Variants in MYH7B observed in about 807,000 individuals in gnomAD.
MYH7B encodes the protein myosin heavy chain 7B.
Under a neutral mutation model 234.5 loss-of-function variants are expected in MYH7B, and 205 were observed. The ratio of observed to expected loss-of-function variants is 0.87; its 90% CI spans 0.78 to 0.98. The LOEUF (loss-of-function observed/expected upper bound fraction) is 0.98. Among genes scored for constraint, MYH7B ranks in the 50% least tolerant of loss-of-function variants. The pLI is 0.00. For missense variants in MYH7B, 2,652 were observed against 2,633.4 expected, an observed-to-expected ratio of 1.01 and a Z score of -0.15; for synonymous variants, 1,193 against 1,105.0, an observed-to-expected ratio of 1.08 and a Z score of -1.58.
intron 10 of MYH7B, among the ~76,000 whole-genome samples, chr20:34,983,298 C>CTTTTTTTTTTTTTTTTTTTTTTTTTTT (rs57589264): frequency 5.6e-5 from 4 of 71,666 alleles, no homozygotes; most frequent in African/African-American, 1.5e-4. Flanking sequence ...CTTTTCTTTT[C>CTTTTTTTTTTTTTTTTTTTTTTTTTTT]TTTTTTTTTT....
chr20:35,001,621 C>A, intron 43 of MYH7B, 95 bp downstream of exon 43: 2 of 1,105,034 alleles, frequency 1.8e-6, no homozygotes, highest in Non-Finnish European at 2.6e-6. Flanking sequence ...CTCCACCCTC[C>A]AAGGTCAGTG....
chr20:34,981,410 C>A, intron 9 of MYH7B: 1 of 301,418 alleles, frequency 3.3e-6, no homozygotes. Context: ...TCCTTTTTAC[C>A]ATCTACTTAT....
chr20:34,996,730 A>AAGC, exon 30 of MYH7B: 1 of 1,612,902 alleles, frequency 6.2e-7, no homozygotes, highest in South Asian at 1.1e-5. Context: ...TGCTCAAGAC[A>AAGC]AGCAGCAGCT....
exon 42 of MYH7B, chr20:35,001,269 G>A: frequency 6.2e-7 from 1 of 1,612,244 alleles, no homozygotes; most frequent in South Asian, 1.1e-5. Context: ...GGCTGAGCTT[G>A]ATGCAGAGCA....
intron 10 of MYH7B, 110 bp downstream of exon 10, chr20:34,982,665 C>A: frequency 1.1e-6 from 1 of 938,540 alleles, no homozygotes; most frequent in Non-Finnish European, 1.5e-6. Flanking sequence ...CTCCCCAGAA[C>A]CCTGAGCCCT....
exon 21 of MYH7B, chr20:34,990,142 C>T: frequency 1.2e-6 from 2 of 1,614,076 alleles, no homozygotes; most frequent in African/African-American, 1.3e-5. Flanking sequence ...CGGGCTCCTG[C>T]TCCAGTGAGT....
chr20:35,001,367 C>T lies in MYH7B; in HGVS notation c.5580+18C>T. On this transcript the variant is annotated intron_variant, in intron 42 of 44. Transcript: ENST00000262873. The stretch of plus-strand genomic sequence containing the variant: ...CATACCAGGTGGGCGACAGGGTCTC[C>T]CTGGGGAGTGGCCCTGGAGCTGGCC... The T allele has an allele frequency of 6.2e-7, 1 of 1,601,310 alleles. No individual in the cohort carries two copies. Among genetic ancestry groups the T allele is most frequent in the Non-Finnish European group, 8.5e-7 (1 of 1,174,398 alleles).
intron 2 of MYH7B, among the ~76,000 whole-genome samples, chr20:34,974,953 A>G (rs1310853261): frequency 6.6e-6 from 1 of 152,214 alleles, no homozygotes; most frequent in African/African-American, 2.4e-5. Flanking sequence ...AAGAGAATTG[A>G]AACAGTGAGG....
chr20:34,998,247 G>T (rs933016835), intron 32 of MYH7B, 48 bp from the exon 33 acceptor site: 2 of 1,604,360 alleles, frequency 1.2e-6, no homozygotes, highest in Admixed American at 1.7e-5. Context: ...GCACAAACTT[G>T]TTCTGACATC....
Position 35,000,900 on chromosome 20 carries a change from C to A in MYH7B, c.5304+7C>A. 9.4e-7 allele frequency: 1 copy of A among 1,064,414 alleles called. No individual in the cohort carries two copies. The allele number at this position is 1,064,414 out of a possible 1,614,324, so 65.9% of individuals were successfully genotyped here. On this transcript the variant is annotated splice_region_variant and intron_variant, in intron 40 of 44. Transcript: ENST00000262873. ...CAAAAAGGCCATCACTGATGTGAGGCTGGGCAAGGGCTGTGGGGAGCCTGG... is the reference window on the plus strand; with the variant it reads ...CAAAAAGGCCATCACTGATGTGAGGATGGGCAAGGGCTGTGGGGAGCCTGG...
At chr20:34,980,791 C>T in intron 8 of MYH7B, 57 bp downstream of exon 8, 1 of 1,593,548 alleles carries the variant, frequency 6.3e-7, no homozygotes, top group East Asian at 2.2e-5. Flanking sequence ...TCCCGGGAGG[C>T]CTCTGTAAGG....
intron 10 of MYH7B, 68 bp from the exon 11 acceptor site, chr20:34,984,624 C>A (rs528670536): frequency 2.8e-6 from 4 of 1,440,282 alleles, no homozygotes; most frequent in African/African-American, 2.9e-5. Flanking sequence ...CCCGCTGATA[C>A]CCTGCCCCAC....
intron 2 of MYH7B, among the ~76,000 whole-genome samples, chr20:34,964,926 T>TGATAATAAGAAAATGAATA (rs2081729804): frequency 6.6e-6 from 1 of 152,218 alleles, no homozygotes; most frequent in African/African-American, 2.4e-5. Context: ...ATGGTCTTAA[T>TGATAATAAGAAAATGAATA]GATAATAAGA....
At chr20:34,992,509 A>G (rs2082173878) in intron 24 of MYH7B, among the ~76,000 whole-genome samples, 1 of 152,026 alleles carries the variant, frequency 6.6e-6, no homozygotes, top group South Asian at 2.1e-4. Context: ...GCCTTCTGTA[A>G]AAAGCCTCTT....
chr20:34,975,847 C>G (rs772043082), intron 3 of MYH7B, among the ~76,000 whole-genome samples: 3 of 152,160 alleles, frequency 2.0e-5, no homozygotes, highest in East Asian at 3.9e-4. Context: ...TCCAGAGTAG[C>G]TGGGACTACA....
exon 24 of MYH7B, chr20:34,991,026 G>A (rs2082136574): frequency 1.9e-6 from 3 of 1,613,280 alleles, no homozygotes; most frequent in African/African-American, 2.7e-5. Flanking sequence ...CCTTCTTGGT[G>A]CTACACCAGC....
intron 2 of MYH7B, 104 bp from the exon 3 acceptor site, chr20:34,975,290 TGCCTCC>T: frequency 2.1e-6 from 1 of 468,430 alleles, no homozygotes; most frequent in Non-Finnish European, 3.8e-6. Flanking sequence ...CTGTAACCTC[TGCCTCC>T]TGGGTTCAAG....
At chr20:34,977,891 G>A in intron 4 of MYH7B, 43 bp from the exon 5 acceptor site, 1 of 1,610,154 alleles carries the variant, frequency 6.2e-7, no homozygotes, top group Non-Finnish European at 8.5e-7. Flanking sequence ...TGGGTTGGGG[G>A]ATCGTGCCCT....
At chr20:34,990,200 T>C (rs1351854421) in intron 21 of MYH7B, 34 bp from the exon 22 acceptor site, 1 of 1,613,946 alleles carries the variant, frequency 6.2e-7, no homozygotes, top group Non-Finnish European at 8.5e-7. Flanking sequence ...AGAGCGACAT[T>C]CCCTGGAGTG....
Sources: gnomAD v4.1 joint callset for allele counts (sites outside exome capture counted in the v4.1 genomes callset) on GRCh38, gnomAD v4.1.1 for gene constraint, MANE v1.5 for transcripts, NCBI Gene and HGNC (gene_info 2026-07-23, HGNC 2026-07-21) for gene names.